The following EXOC6B variants were observed in gnomAD, a reference collection of about 807,000 sequenced individuals.
EXOC6B encodes the protein SEC15 homolog B.
In EXOC6B, 54 loss-of-function variants were observed where a neutral mutation model predicts 113.5. The observed-to-expected ratio is 0.48, with a 90% confidence interval of 0.38 to 0.60. The LOEUF is 0.60. Ranked by LOEUF, EXOC6B falls within the 20% of genes least tolerant of loss-of-function variation. The pLI is 0.00. For missense variants in EXOC6B, 797 were observed against 977.5 expected, an observed-to-expected ratio of 0.82 and a Z score of 2.46; for synonymous variants, 357 against 339.0, an observed-to-expected ratio of 1.05 and a Z score of -0.58.
intron 20 of EXOC6B, among the ~76,000 whole-genome samples, chr2:72,233,706 A>T (rs1439077331): frequency 6.6e-6 from 1 of 152,148 alleles, no homozygotes; most frequent in African/African-American, 2.4e-5. Context: ...TGGGAGCACT[A>T]AGATTGTTCC....
chr2:72,200,996 A>C (rs553492381), intron 20 of EXOC6B, among the ~76,000 whole-genome samples: 103 of 152,250 alleles, frequency 6.8e-4, no homozygotes, highest in African/African-American at 2.2e-3. Flanking sequence ...TTCCTGATGA[A>C]GGCTGCTATC....
At chr2:72,477,023 C>T (rs749449539) in intron 17 of EXOC6B, among the ~76,000 whole-genome samples, 8 of 152,134 alleles carry the variant, frequency 5.3e-5, no homozygotes, top group Non-Finnish European at 1.2e-4. Context: ...CTTGGGAATT[C>T]TCCTCTGTTG....
chr2:72,411,228 A>C (rs1333799459), intron 18 of EXOC6B, among the ~76,000 whole-genome samples: 1 of 152,094 alleles, frequency 6.6e-6, no homozygotes, highest in Non-Finnish European at 1.5e-5. Flanking sequence ...CAAATAAACA[A>C]ACAAAAATAG....
chr2:72,677,823 C>G (rs1474234977), intron 6 of EXOC6B, among the ~76,000 whole-genome samples: 3 of 152,158 alleles, frequency 2.0e-5, no homozygotes, highest in Non-Finnish European at 4.4e-5. Flanking sequence ...GAATTGAAGT[C>G]TCTTAACGAC....
intron 17 of EXOC6B, among the ~76,000 whole-genome samples, chr2:72,479,474 A>G (rs1314307749): frequency 1.3e-5 from 2 of 152,198 alleles, no homozygotes; most frequent in Non-Finnish European, 2.9e-5. Context: ...TACAGGGGAC[A>G]TAAATCATGG....
chr2:72,357,479 C>T (rs915084138), intron 19 of EXOC6B, among the ~76,000 whole-genome samples: 6 of 151,806 alleles, frequency 4.0e-5, no homozygotes, highest in South Asian at 2.1e-4. Flanking sequence ...TCATTTGAGG[C>T]CAGGAGTTTG....
At chr2:72,367,031 A>C (rs1014953118) in intron 19 of EXOC6B, among the ~76,000 whole-genome samples, 12 of 152,136 alleles carry the variant, frequency 7.9e-5, no homozygotes, top group Non-Finnish European at 1.2e-4. Flanking sequence ...AATATATATG[A>C]ATCATTTCTA....
At chr2:72,526,269 T>C (rs1701741071) in intron 8 of EXOC6B, among the ~76,000 whole-genome samples, 1 of 151,926 alleles carries the variant, frequency 6.6e-6, no homozygotes, top group African/African-American at 2.4e-5. Flanking sequence ...AGATTGTTAA[T>C]AGTCCTCATA....
chr2:72,599,899 A>C (rs192189140), intron 6 of EXOC6B, among the ~76,000 whole-genome samples: 128 of 152,236 alleles, frequency 8.4e-4, no homozygotes, highest in African/African-American at 2.8e-3. Context: ...CAAAAAAAAA[A>C]CAGAAATAAA....
intron 20 of EXOC6B, among the ~76,000 whole-genome samples, chr2:72,293,541 T>A (rs1685939407): frequency 6.6e-6 from 1 of 152,186 alleles, no homozygotes; most frequent in African/African-American, 2.4e-5. Context: ...GAATTGCATA[T>A]GTCAATGTGC....
At chr2:72,276,896 C>G (rs1003979061) in intron 20 of EXOC6B, among the ~76,000 whole-genome samples, 2 of 152,152 alleles carry the variant, frequency 1.3e-5, no homozygotes, top group African/African-American at 4.8e-5. Flanking sequence ...AAATCACCAC[C>G]TGGTTGGTCT....
intron 20 of EXOC6B, among the ~76,000 whole-genome samples, chr2:72,246,627 C>G (rs1682681153): frequency 6.6e-6 from 1 of 151,232 alleles, no homozygotes; most frequent in South Asian, 2.1e-4. Flanking sequence ...CCTGCCTCAT[C>G]CTCCCGAGTA....
chr2:72,578,450 C>A (rs1305172778), intron 6 of EXOC6B, among the ~76,000 whole-genome samples: 1 of 152,042 alleles, frequency 6.6e-6, no homozygotes, highest in Admixed American at 6.5e-5. Flanking sequence ...ACTTCTATAT[C>A]CTTAGTTACG....
At chr2:72,456,401 T>A (rs371718984) in intron 18 of EXOC6B, among the ~76,000 whole-genome samples, 7 of 152,258 alleles carry the variant, frequency 4.6e-5, no homozygotes, top group African/African-American at 1.7e-4. Context: ...TACTTTATTA[T>A]TCAAAACAGG....
Position 72,382,155 on chromosome 2 carries a change from T to C in EXOC6B, c.1981-2285A>G, listed in dbSNP as rs575632621. On this transcript the variant is annotated intron_variant, in intron 18 of 21. Coordinates refer to ENST00000272427, the MANE Select transcript of EXOC6B (RefSeq NM_015189.3). ...ATAAAAGAAATCCACATTAAATTAC[T>C]TGGTTTTAATTAAACCCACCAGAGA... Among the ~76,000 whole-genome samples, 20 of 152,252 alleles carry C rather than the reference T, an allele frequency of 1.3e-4. No homozygotes were observed. In the East Asian group the frequency reaches 3.9e-3, roughly 29 times the overall value.
At chr2:72,741,115 G>T (rs183889691) in intron 2 of EXOC6B, among the ~76,000 whole-genome samples, 189 bp downstream of exon 2, 7 of 151,932 alleles carry the variant, frequency 4.6e-5, no homozygotes, top group Admixed American at 3.3e-4. Flanking sequence ...AAAAAAAAAG[G>T]GGGGGTGGGT....
chr2:72,407,940 T>C (rs944759391), intron 18 of EXOC6B, among the ~76,000 whole-genome samples: 1 of 152,304 alleles, frequency 6.6e-6, no homozygotes, highest in Admixed American at 6.5e-5. Context: ...TGTTTGCAGA[T>C]GACATGATTG....
chr2:72,662,257 T>G (rs576468304), intron 6 of EXOC6B, among the ~76,000 whole-genome samples: 41 of 152,320 alleles, frequency 2.7e-4, no homozygotes, highest in African/African-American at 8.4e-4. Context: ...AAAATCTTCA[T>G]GTCCTAGCAT....
chr2:72,351,345 C>T (rs981133850), intron 19 of EXOC6B, among the ~76,000 whole-genome samples: 26 of 152,118 alleles, frequency 1.7e-4, no homozygotes, highest in African/African-American at 1.2e-4. Flanking sequence ...TTAACAATAG[C>T]GACGTAAGAA....
Sources: allele counts gnomAD v4.1 joint callset (sites outside exome capture counted in the v4.1 genomes callset), GRCh38; gene constraint gnomAD v4.1.1; transcripts MANE v1.5; gene names NCBI Gene and HGNC (gene_info 2026-07-23, HGNC 2026-07-21).